The following TRPM1 variants were observed in gnomAD, a reference collection of about 807,000 sequenced individuals.
TRPM1 encodes the protein transient receptor potential cation channel subfamily M member 1, also known as TRPM1-203 APA Isoform, Intron 10.
Under a neutral mutation model 149.4 loss-of-function variants are expected in TRPM1, and 113 were observed. The ratio of observed to expected loss-of-function variants is 0.76; its 90% CI spans 0.65 to 0.88. TRPM1 has a LOEUF of 0.88. TRPM1 is among the 40% of genes least tolerant of loss of function. The pLI is 0.00. For synonymous variants in TRPM1, 741 were observed against 759.5 expected, an observed-to-expected ratio of 0.98 and a Z score of 0.40; for missense variants, 1,976 against 2,038.7, an observed-to-expected ratio of 0.97 and a Z score of 0.59.
intron 22 of TRPM1, chr15:31,031,394 G>C: frequency 3.4e-6 from 2 of 582,078 alleles, no homozygotes; most frequent in Non-Finnish European, 6.1e-6. Context: ...CATCCTTCTT[G>C]CTTCTTCTCT....
In TRPM1 at chr15:31,056,203, TAATAGA is replaced by T. The variant is rs1422938790; in HGVS notation, c.1263+4335_1263+4340del. Among the ~76,000 whole-genome samples, 5 of 152,112 alleles carry T rather than the reference TAATAGA, an allele frequency of 3.3e-5. No individual in the cohort carries two copies. In the East Asian group the frequency reaches 9.6e-4, roughly 29 times the overall value. On this transcript the variant is annotated intron_variant, in intron 11 of 27. Coordinates refer to ENST00000256552, the MANE Select transcript of TRPM1 (RefSeq NM_001252024.2). ...AGAAGGGGACCAGCAGTTGCTTGAC[TAATAGA>T]AAATCCAGATGAAGGGAAAGAGATA...
rs764068013 is a variant in TRPM1 at position 31,067,190 on chromosome 15, G to C, written c.494-3C>G. The C allele has an allele frequency of 2.5e-6, 4 of 1,614,148 alleles. No individual in the cohort carries two copies. Among genetic ancestry groups the C allele is most frequent in the Non-Finnish European group, 2.5e-6 (3 of 1,180,012 alleles). On this transcript the variant is annotated splice_polypyrimidine_tract_variant and splice_region_variant and intron_variant, in intron 5 of 27. Transcript: ENST00000256552. ...ATCCCCTACGTGGCTGATAACACCT[G>C]TGAGCAGCCATTGGTCATATTTTAG...
At chr15:31,123,123 C>A (rs74729692) in intron 1 of TRPM1, among the ~76,000 whole-genome samples, 2,631 of 152,266 alleles carry the variant, frequency 0.017, 77 homozygotes, top group African/African-American at 0.06. Context: ...GATGCTGGGA[C>A]AACTGAGATC....
In TRPM1 at chr15:31,047,760, T is replaced by C. The variant is rs918290084; in HGVS notation, c.1623+129A>G. 3.6e-6 allele frequency: 3 copies of C among 825,946 alleles called. No individual in the cohort carries two copies. In the African/African-American group the frequency reaches 5.1e-5, roughly 14 times the overall value. 51.2% of individuals were successfully genotyped at this position (825,946 alleles called of 1,614,324 possible). On this transcript the variant is annotated intron_variant, in intron 14 of 27. Coordinates refer to ENST00000256552, the MANE Select transcript of TRPM1 (RefSeq NM_001252024.2). ...CTTTCTTAGTTTTAAATAGACTCTT[T>C]ACGAAAGAAGGAATTCATTATCTCC...
chr15:31,030,818 A>G (rs2033034304), intron 23 of TRPM1, among the ~76,000 whole-genome samples, 165 bp downstream of exon 23: 1 of 152,244 alleles, frequency 6.6e-6, no homozygotes, highest in African/African-American at 2.4e-5. Context: ...CTGAAAATCC[A>G]TGTTCCATAA....
chr15:31,127,813 G>A (rs2035970081), intron 1 of TRPM1, among the ~76,000 whole-genome samples: 1 of 152,180 alleles, frequency 6.6e-6, no homozygotes, highest in African/African-American at 2.4e-5. Flanking sequence ...CCAGAAATGA[G>A]GCAGGCGCTC....
chr15:31,134,340 G>A (rs2036060322), intron 1 of TRPM1, among the ~76,000 whole-genome samples: 1 of 152,192 alleles, frequency 6.6e-6, no homozygotes, highest in African/African-American at 2.4e-5. Context: ...TCCCACATAT[G>A]CCTCTTTGGC....
At chr15:31,137,988 A>G (rs2036111772) in intron 1 of TRPM1, among the ~76,000 whole-genome samples, 1 of 152,152 alleles carries the variant, frequency 6.6e-6, no homozygotes, top group Non-Finnish European at 1.5e-5. Context: ...ACTAACCCGC[A>G]TGTGTGTGGG....
intron 27 of TRPM1, among the ~76,000 whole-genome samples, chr15:31,013,695 G>A (rs2032263062): frequency 6.6e-6 from 1 of 152,124 alleles, no homozygotes; most frequent in African/African-American, 2.4e-5. Flanking sequence ...CAGGCTTGTT[G>A]TTATTGCTTA....
chr15:31,110,982 A>G (rs1209228057), intron 1 of TRPM1, among the ~76,000 whole-genome samples: 1 of 144,922 alleles, frequency 6.9e-6, no homozygotes, highest in African/African-American at 2.6e-5. Context: ...GATATGTGCT[A>G]GAATAACAAA....
rs529894049 is a variant in TRPM1, at chr15:31,049,652, G to A, written c.1438-143C>T. 8 of 903,798 alleles carry A rather than the reference G, an allele frequency of 8.9e-6. No individual in the cohort carries two copies. The South Asian group carries it at 1.1e-4, about 12-fold the overall frequency. The allele number at this position is 903,798 out of a possible 1,614,324, so 56.0% of individuals were successfully genotyped here. The stretch of plus-strand genomic sequence containing the variant: ...ATGGTACTCTTTGCTCTTTATCTTG[G>A]GTAAACACTCCCCATCTCCCCTCTC... On this transcript the variant is annotated intron_variant, in intron 12 of 27. Transcript: ENST00000256552.
intron 15 of TRPM1, 79 bp downstream of exon 15, chr15:31,047,032 G>C (rs540214162): frequency 2.1e-4 from 337 of 1,591,726 alleles, no homozygotes; most frequent in Middle Eastern, 1.0e-3. Flanking sequence ...GCTCTGAACC[G>C]GCCAAGTTGT....
intron 1 of TRPM1, among the ~76,000 whole-genome samples, chr15:31,137,306 A>G (rs533681966): frequency 6.6e-6 from 1 of 152,322 alleles, no homozygotes; most frequent in East Asian, 1.9e-4. Context: ...GCCAACATAA[A>G]CATGGGATCT....
intron 18 of TRPM1, 139 bp from the exon 19 acceptor site, chr15:31,038,305 T>C (rs2033494304): frequency 4.1e-6 from 4 of 967,330 alleles, no homozygotes; most frequent in Middle Eastern, 3.2e-4. Context: ...TCTGACGTTC[T>C]GTGACATGTG....
chr15:31,061,307 G>A, intron 10 of TRPM1, 135 bp downstream of exon 10: 1 of 836,836 alleles, frequency 1.2e-6, no homozygotes, highest in Non-Finnish European at 2.0e-6. Context: ...GTGGCTTCAT[G>A]CTGAGACTGC....
chr15:31,076,764 G>C (rs1281147125), intron 3 of TRPM1, 141 bp downstream of exon 3: 1 of 725,282 alleles, frequency 1.4e-6, no homozygotes, highest in African/African-American at 1.8e-5. Flanking sequence ...AGGAGCCCCA[G>C]TGACTCCCTT....
In TRPM1 at chr15:31,049,599, CG is replaced by C. The variant is rs1228564349; in HGVS notation, c.1438-91del. On this transcript the variant is annotated intron_variant, in intron 12 of 27. Transcript: ENST00000256552. ...TGGAAACACAGAGGAAAGGGTATTC[CG>C]AACGCCAGATTCCAGAGCACTCCAG... The C allele has an allele frequency of 2.0e-6, 3 of 1,482,728 alleles. No individual in the cohort carries two copies. In the African/African-American group the frequency reaches 4.2e-5, roughly 21 times the overall value. 91.8% of individuals were successfully genotyped at this position (1,482,728 alleles called of 1,614,324 possible). A position where few individuals can be genotyped will look rare whatever the true frequency, so the allele number is the denominator to read the frequency against.
chr15:31,086,352 A>C (rs1263301053), intron 1 of TRPM1, among the ~76,000 whole-genome samples: 1 of 152,006 alleles, frequency 6.6e-6, no homozygotes, highest in Non-Finnish European at 1.5e-5. Context: ...CTGGTATCAG[A>C]CTCCACTGCT....
Position 31,126,057 on chromosome 15 carries a change from G to A in TRPM1, c.54+34849C>T, listed in dbSNP as rs868120748. 6.8e-4 allele frequency among the ~76,000 whole-genome samples: 103 copies of A among 152,094 alleles called. 1 individual carries two copies. Among genetic ancestry groups the A allele is most frequent in the Admixed American group, 1.1e-3 (17 of 15,280 alleles). On this transcript the variant is annotated intron_variant, in intron 1 of 26. Coordinates refer to the TRPM1 transcript ENST00000542188. The stretch of plus-strand genomic sequence containing the variant: ...TGAGGCAGGAGAATCACTTGAACCC[G>A]GGAGGCAGAGATTGCAGTGAGCCAA...
Sources: gnomAD v4.1 joint callset for allele counts (sites outside exome capture counted in the v4.1 genomes callset) on GRCh38, gnomAD v4.1.1 for gene constraint, MANE v1.5 for transcripts, NCBI Gene and HGNC (gene_info 2026-07-23, HGNC 2026-07-21) for gene names.